The following PCDH15 variants were observed in gnomAD, a reference collection of about 807,000 sequenced individuals.
PCDH15 encodes protocadherin related 15, also known as protocadherin-15.
In PCDH15, 129 loss-of-function variants were observed where a neutral mutation model predicts 178.5. That is an observed-to-expected ratio of 0.72 (90% CI 0.63 to 0.84). PCDH15 has a LOEUF of 0.84. Ranked by LOEUF, PCDH15 falls within the 40% of genes least tolerant of loss-of-function variation. PCDH15 has a pLI of 0.00. For missense variants in PCDH15, 2,230 were observed against 2,099.9 expected (o/e 1.06, Z -1.21); for synonymous variants, 800 against 732.0 (o/e 1.09, Z -1.50).
chr10:54,628,146 C>T (rs2093607875), intron 2 of PCDH15, among the ~76,000 whole-genome samples: 1 of 152,082 alleles, frequency 6.6e-6, no homozygotes, highest in Non-Finnish European at 1.5e-5. Context: ...GCACTAGATA[C>T]AGGAACCAAG....
chr10:54,156,393 T>C (rs12772641), intron 13 of PCDH15, among the ~76,000 whole-genome samples: 4,345 of 152,192 alleles, frequency 0.029, 214 homozygotes, highest in African/African-American at 0.1. Context: ...GGAAGCCTCA[T>C]AATCATGGCA....
intron 2 of PCDH15, among the ~76,000 whole-genome samples, chr10:55,061,058 G>GA (rs957658112): frequency 1.4e-4 from 22 of 151,978 alleles, no homozygotes; most frequent in Admixed American, 1.1e-3. Context: ...CAAATTCTAT[G>GA]AAAAAAATTG....
intron 1 of PCDH15, among the ~76,000 whole-genome samples, chr10:54,709,613 T>C (rs1173606483): frequency 1.4e-5 from 2 of 143,344 alleles, no homozygotes; most frequent in Admixed American, 1.5e-4. Flanking sequence ...TATATATACA[T>C]ATATATATAT....
intron 20 of PCDH15, among the ~76,000 whole-genome samples, chr10:54,015,087 A>T (rs1385653280): frequency 1.3e-5 from 2 of 152,192 alleles, no homozygotes; most frequent in Non-Finnish European, 2.9e-5. Context: ...AATGTACAAA[A>T]ATCAGTAATA....
chr10:53,839,762 T>TATA (rs1224417190), intron 29 of PCDH15, among the ~76,000 whole-genome samples: 2 of 152,122 alleles, frequency 1.3e-5, no homozygotes, highest in Non-Finnish European at 2.9e-5. Context: ...TGCACTTTAT[T>TATA]TATTTTTAGG....
intron 8 of PCDH15, among the ~76,000 whole-genome samples, chr10:54,299,675 G>T (rs2060030969): frequency 6.6e-6 from 1 of 152,166 alleles, no homozygotes; most frequent in Non-Finnish European, 1.5e-5. Context: ...AGGACAGGAG[G>T]ATAGATGGTT....
intron 35 of PCDH15, among the ~76,000 whole-genome samples, chr10:53,814,234 GAAAAT>G (rs1250009778): frequency 6.6e-6 from 1 of 152,040 alleles, no homozygotes; most frequent in African/African-American, 2.4e-5. Context: ...CAGATACTGA[GAAAAT>G]AACTTCAAAC....
intron 3 of PCDH15, among the ~76,000 whole-genome samples, chr10:54,473,657 T>C (rs1324768286): frequency 6.6e-6 from 1 of 152,064 alleles, no homozygotes; most frequent in Non-Finnish European, 1.5e-5. Flanking sequence ...ATGAGTTCAA[T>C]TTTCAAGACA....
At chr10:54,488,353 C>A (rs887046265) in intron 3 of PCDH15, among the ~76,000 whole-genome samples, 12 of 151,830 alleles carry the variant, frequency 7.9e-5, no homozygotes, top group Non-Finnish European at 1.8e-4. Context: ...GTAATTTTGA[C>A]ATACATTCCT....
At chr10:53,853,649 C>G (rs976926029) in intron 28 of PCDH15, among the ~76,000 whole-genome samples, 1 of 151,904 alleles carries the variant, frequency 6.6e-6, no homozygotes, top group Non-Finnish European at 1.5e-5. Flanking sequence ...TATACAATGG[C>G]CAATAGCACC....
At chr10:54,360,925 C>G (rs1945927629) in intron 5 of PCDH15, among the ~76,000 whole-genome samples, 1 of 152,054 alleles carries the variant, frequency 6.6e-6, no homozygotes, top group Admixed American at 6.6e-5. Flanking sequence ...GTTTATTAGT[C>G]TTGCTGTTAT....
At chr10:53,989,259 G>T (rs2091310162) in intron 21 of PCDH15, among the ~76,000 whole-genome samples, 2 of 152,006 alleles carry the variant, frequency 1.3e-5, no homozygotes, top group Admixed American at 1.3e-4. Flanking sequence ...ACACATTATG[G>T]GATCTGAAGG....
chr10:54,954,749 C>T (rs935853033), intron 2 of PCDH15, among the ~76,000 whole-genome samples: 5 of 151,182 alleles, frequency 3.3e-5, no homozygotes, highest in African/African-American at 1.2e-4. Context: ...AATATTGTTA[C>T]TTATTTTAAA....
At chr10:55,476,034 G>C (rs1840056413) in intron 2 of PCDH15, among the ~76,000 whole-genome samples, 1 of 152,032 alleles carries the variant, frequency 6.6e-6, no homozygotes, top group Non-Finnish European at 1.5e-5. Flanking sequence ...TCAATTATTT[G>C]TTGGCTTTAA....
chr10:55,227,874 A>G (rs1385058587), intron 1 of PCDH15, among the ~76,000 whole-genome samples: 1 of 152,132 alleles, frequency 6.6e-6, no homozygotes, highest in East Asian at 1.9e-4. Flanking sequence ...CACCTTATAC[A>G]GTAACCACAA....
At chr10:55,211,817 GA>G (rs1840579108) in intron 1 of PCDH15, among the ~76,000 whole-genome samples, 1 of 152,042 alleles carries the variant, frequency 6.6e-6, no homozygotes, top group African/African-American at 2.4e-5. Flanking sequence ...GTAAAACCTA[GA>G]AATTCGGACT....
intron 21 of PCDH15, among the ~76,000 whole-genome samples, chr10:53,993,928 C>T (rs2446601): frequency 0.022 from 3,319 of 152,252 alleles, 107 homozygotes; most frequent in African/African-American, 0.075. Context: ...CACTTTCTAT[C>T]TAATGAAAGG....
chr10:55,104,184 A>G (rs1218115359), intron 2 of PCDH15, among the ~76,000 whole-genome samples: 4 of 149,810 alleles, frequency 2.7e-5, no homozygotes, highest in African/African-American at 1.0e-4. Context: ...AGTAATAAAT[A>G]TCCTTTGTAG....
intron 2 of PCDH15, among the ~76,000 whole-genome samples, chr10:54,919,452 A>C (rs758781432): frequency 1.3e-5 from 2 of 152,158 alleles, no homozygotes; most frequent in Non-Finnish European, 2.9e-5. Flanking sequence ...TTTAGGAACA[A>C]TTTCAAGCCA....
Sources: allele counts gnomAD v4.1 joint callset (sites outside exome capture counted in the v4.1 genomes callset), GRCh38; gene constraint gnomAD v4.1.1; transcripts MANE v1.5; gene names NCBI Gene and HGNC (gene_info 2026-07-23, HGNC 2026-07-21).